The following TOP2B variants were observed in gnomAD, a reference collection of about 807,000 sequenced individuals.
TOP2B encodes DNA topoisomerase 2-beta.
In TOP2B, 51 loss-of-function variants were observed where a neutral mutation model predicts 193.5. The ratio of observed to expected loss-of-function variants is 0.26; its 90% confidence interval spans 0.21 to 0.33. TOP2B has a LOEUF of 0.33. Among genes scored for constraint, TOP2B ranks in the 10% least tolerant of loss-of-function variants. TOP2B has a pLI of 1.00. For synonymous variants in TOP2B, 634 were observed against 635.7 expected (o/e 1.00, Z 0.04); for missense variants, 1,378 against 1,909.3 (o/e 0.72, Z 5.19).
chr3:25,621,561 A>C (rs1025481877), intron 21 of TOP2B, among the ~76,000 whole-genome samples: 1 of 151,956 alleles, frequency 6.6e-6, no homozygotes, highest in Non-Finnish European at 1.5e-5. Flanking sequence ...GGGTTTTGCC[A>C]TGTTGCCCAG....
At chr3:25,621,952 G>GT (rs1702668492) in intron 21 of TOP2B, among the ~76,000 whole-genome samples, 1 of 150,940 alleles carries the variant, frequency 6.6e-6, no homozygotes, top group Non-Finnish European at 1.5e-5. Flanking sequence ...TCACACCACT[G>GT]TACTCCAGCC....
chr3:25,643,064 A>G (rs1703310770), intron 3 of TOP2B, among the ~76,000 whole-genome samples: 1 of 152,178 alleles, frequency 6.6e-6, no homozygotes, highest in Non-Finnish European at 1.5e-5. Context: ...CTCTTCACCA[A>G]ATACCAACAG....
At chr3:25,604,047 T>C (rs549653749) in intron 33 of TOP2B, among the ~76,000 whole-genome samples, 1 of 152,348 alleles carries the variant, frequency 6.6e-6, no homozygotes, top group Non-Finnish European at 1.5e-5. Flanking sequence ...TTCTACTGCA[T>C]TCAGAATAAG....
At position 25,638,155 on chromosome 3, in the gene TOP2B, C is replaced by G; in HGVS notation, c.541+10G>C. On this transcript the variant is annotated intron_variant, in intron 5 of 35. Transcript: ENST00000264331. ...AGTATTTTTCAACCAAAATTCCATTCAGACTTTACCTGTAACTTTTTTCTC... is the reference window on the plus strand; with the variant it reads ...AGTATTTTTCAACCAAAATTCCATTGAGACTTTACCTGTAACTTTTTTCTC... 6.4e-7 allele frequency: 1 copy of G among 1,558,966 alleles called. No individual in the cohort carries two copies. Among genetic ancestry groups the G allele is most frequent in the Non-Finnish European group, 8.7e-7 (1 of 1,150,892 alleles).
intron 31 of TOP2B, 76 bp downstream of exon 31, chr3:25,607,095 G>T: frequency 6.5e-7 from 1 of 1,533,736 alleles, no homozygotes; most frequent in Non-Finnish European, 8.8e-7. Context: ...CAATTTCTTA[G>T]AAGAGCTCAC....
Position 25,598,402 on chromosome 3 carries a change from A to G in TOP2B, c.4786T>C (p.Ser1596Pro). ...FPSDFPTEPP[S>P]LPRTGRARKE... ...CTAGCCCGACCGGTTCGTGGCAGAG[A>G]AGGTGGCTCAGTAGGGAAGTCTGAG... is the stretch of plus-strand genomic sequence containing the variant. The change falls in exon 36 of 36, where the codon TCT (serine) becomes CCT (proline). Residue 1596 changes from serine (S) to proline (P), a missense_variant. Transcript: ENST00000264331. 6.2e-7 allele frequency: 1 copy of G among 1,613,604 alleles called. No individual in the cohort carries two copies. The highest frequency in any genetic ancestry group is 8.5e-7 in the Non-Finnish European group (1 of 1,179,644).
chr3:25,610,193 A>C (rs1702333126), intron 28 of TOP2B, among the ~76,000 whole-genome samples: 1 of 152,172 alleles, frequency 6.6e-6, no homozygotes, highest in South Asian at 2.1e-4. Flanking sequence ...CAAAAAAAAA[A>C]AAAATCTTCA....
At chr3:25,620,591 C>T (rs1702632989) in intron 22 of TOP2B, 91 bp downstream of exon 22, 1 of 1,420,004 alleles carries the variant, frequency 7.0e-7, no homozygotes, top group Non-Finnish European at 9.4e-7. Context: ...ACTACGCACG[C>T]TTAGGACCAA....
chr3:25,658,783 T>C (rs1275596666), intron 1 of TOP2B, among the ~76,000 whole-genome samples: 1 of 152,198 alleles, frequency 6.6e-6, no homozygotes, highest in South Asian at 2.1e-4. Context: ...CAGAAGAAAA[T>C]GGAAAACATT....
chr3:25,664,646 G>T lies in TOP2B; in HGVS notation c.-349C>A. The T allele has an allele frequency of 2.0e-6, 2 of 989,192 alleles. No homozygotes were observed. The highest frequency in any genetic ancestry group is 2.4e-6 in the Non-Finnish European group (2 of 832,834). 61.3% of individuals were successfully genotyped at this position (989,192 alleles called of 1,614,324 possible). A position where few individuals can be genotyped will look rare whatever the true frequency, so the allele number is the denominator to read the frequency against. On this transcript the variant is annotated 5_prime_UTR_variant, in exon 1 of 36. Transcript: ENST00000264331. ...GCCGGGCTGAAGCCCGGGCGTGCGA[G>T]CCGCGAGGGCGGCCGGGGAGCCCGA...
chr3:25,651,140 T>C (rs1410251061), intron 1 of TOP2B, among the ~76,000 whole-genome samples: 1 of 152,208 alleles, frequency 6.6e-6, no homozygotes, highest in Non-Finnish European at 1.5e-5. Flanking sequence ...ATATGGCATC[T>C]TCTAGTATTG....
In TOP2B at chr3:25,631,762, C is replaced by T. The variant is rs1192996744; in HGVS notation, c.1266+684G>A. 2.6e-5 allele frequency among the ~76,000 whole-genome samples: 4 copies of T among 152,028 alleles called. No homozygotes were observed. In the East Asian group the frequency reaches 7.7e-4, roughly 29 times the overall value. On this transcript the variant is annotated intron_variant, in intron 10 of 35. Coordinates refer to ENST00000264331, the MANE Select transcript of TOP2B (RefSeq NM_001330700.2). ...AAGCATTAATATAGCATAATTTGTACTCAGAATTCATTAAGATTAGATCCA... is the reference window on the plus strand; with the variant it reads ...AAGCATTAATATAGCATAATTTGTATTCAGAATTCATTAAGATTAGATCCA...
intron 2 of TOP2B, among the ~76,000 whole-genome samples, chr3:25,644,885 C>T (rs184608579): frequency 6.6e-6 from 1 of 151,802 alleles, no homozygotes; most frequent in East Asian, 2.0e-4. Context: ...AGCTCCGCCT[C>T]CCAGGTTCAC....
chr3:25,639,326 T>A (rs1301554221), intron 4 of TOP2B, among the ~76,000 whole-genome samples: 1 of 152,246 alleles, frequency 6.6e-6, no homozygotes, highest in African/African-American at 2.4e-5. Flanking sequence ...TGTTTTTGTT[T>A]GAGATAGAGT....
In TOP2B at chr3:25,615,435, G is replaced by C. The variant is rs1337825991; in HGVS notation, c.3503C>G (p.Ala1168Gly). ...KVEELIKQRD[A>G]KGREVNDLKR... Reference sequence around the variant, plus strand: ...TTAACCCACAAAAGTTCATACTTTTGCATCTCTCTGTTTAATCAGTTCTTC... The same window carrying C: ...TTAACCCACAAAAGTTCATACTTTTCCATCTCTCTGTTTAATCAGTTCTTC... Residue 1168 changes from alanine to glycine, a missense_variant, in exon 26 of 36, where the codon GCA (alanine) becomes GGA (glycine). Physicochemically the swap from Ala to Gly is moderately conservative, Grantham distance 60. Transcript: ENST00000264331. 12 of 1,547,262 alleles carry C rather than the reference G, an allele frequency of 7.8e-6. No individual in the cohort carries two copies. The highest frequency in any genetic ancestry group is 1.0e-5 in the Non-Finnish European group (12 of 1,150,040).
intron 27 of TOP2B, among the ~76,000 whole-genome samples, chr3:25,613,727 CAA>C (rs557958078): frequency 1.6e-5 from 2 of 123,072 alleles, no homozygotes; most frequent in African/African-American, 3.0e-5. Context: ...GACCATGTCT[CAA>C]AAAAAAAAAA....
chr3:25,645,608 T>A, intron 1 of TOP2B, 138 bp from the exon 2 acceptor site: 1 of 663,728 alleles, frequency 1.5e-6, no homozygotes, highest in Non-Finnish European at 2.4e-6. Flanking sequence ...AAAACACAGG[T>A]CTATTTACTG....
chr3:25,626,799 T>C lies in TOP2B; in HGVS notation c.2082A>G (p.Arg694=). The change falls in exon 17 of 36, where the codon AGA becomes AGG. Residue 694 remains arginine (R), a synonymous_variant. Coordinates refer to ENST00000264331, the MANE Select transcript of TOP2B (RefSeq NM_001330700.2). The part of the protein sequence containing the change: ...EWLTNFMEDR[R]QRRLHGLPEQ... ...CTGGTAAGCCATGTAGCCTACGCTG[T>C]CTCCGGTCTTCCATAAAATTTGTTA... 1.2e-6 allele frequency: 2 copies of C among 1,608,518 alleles called. No individual in the cohort carries two copies. The highest frequency in any genetic ancestry group is 1.7e-6 in the Non-Finnish European group (2 of 1,177,652).
chr3:25,615,270 G>T lies in TOP2B; in HGVS notation c.3526C>A (p.Leu1176Ile), dbSNP rs758578708. The T allele has an allele frequency of 1.2e-6, 2 of 1,612,068 alleles. No individual in the cohort carries two copies. The highest frequency in any genetic ancestry group is 4.5e-5 in the East Asian group (2 of 44,674). ...RDAKGREVND[L>I]KRKSPSDLWK... is the part of the protein sequence containing the mutation. ...AGATCTGAAGGAGATTTTCTTTTAA[G>T]ATCATTGACCTCTCGCCCCTATAAT... is the stretch of plus-strand genomic sequence containing the variant. The change falls in exon 27 of 36, where the codon CTT becomes ATT. Residue 1176 changes from leucine (L) to isoleucine (I), a missense_variant. This residue lies in a region of TOP2B where 556 missense variants were observed against 584.2 expected (regional missense o/e 0.95). Coordinates refer to ENST00000264331, the MANE Select transcript of TOP2B (RefSeq NM_001330700.2).
Sources: gnomAD v4.1 joint callset for allele counts (sites outside exome capture counted in the v4.1 genomes callset) on GRCh38, gnomAD v4.1.1 for gene constraint, gnomAD v4.1.1 regional missense constraint, MANE v1.5 for transcripts, NCBI Gene and HGNC (gene_info 2026-07-23, HGNC 2026-07-21) for gene names.